PTPRZ1: variants seen among roughly 807,000 people sequenced by gnomAD.
PTPRZ1 encodes protein tyrosine phosphatase receptor type Z1.
A neutral mutation model predicts 214.1 loss-of-function variants in PTPRZ1; 82 were observed. That is an observed-to-expected ratio of 0.38 (90% CI 0.32 to 0.46). The LOEUF (loss-of-function observed/expected upper bound fraction) is 0.46, where lower values mean the gene tolerates loss of function less well. PTPRZ1 is among the 20% of genes least tolerant of loss of function. The probability of loss-of-function intolerance (pLI) is 1.00; values close to 1 mark genes in which losing one functional copy is unlikely to be tolerated. For synonymous variants in PTPRZ1, 945 were observed against 987.9 expected, an observed-to-expected ratio of 0.96 and a Z score of 0.81; for missense variants, 2,603 against 2,748.7, an observed-to-expected ratio of 0.95 and a Z score of 1.19.
At chr7:122,009,314 G>A (rs1300109333) in intron 11 of PTPRZ1, among the ~76,000 whole-genome samples, 1 of 151,928 alleles carries the variant, frequency 6.6e-6, no homozygotes, top group Non-Finnish European at 1.5e-5. Context: ...ACTGATACTG[G>A]TCAAGTTCTC....
Position 122,011,967 on chromosome 7 carries a change from C to T in PTPRZ1, c.2921C>T (p.Ser974Phe), listed in dbSNP as rs1202491598. ...CCTAGCCATATACCAATACCTAAGT[C>T]TTCGTTAATAACCCCAACTGCATCA... ...SGPSHIPIPK[S>F]SLITPTASLL... The change falls in exon 12 of 30, where the codon TCT (serine) becomes TTT (phenylalanine). Residue 974 changes from serine to phenylalanine, a missense_variant. Physicochemically the swap from Ser to Phe is radical, Grantham distance 155 (BLOSUM62 -2). This residue lies in a region of PTPRZ1 where 1,913 missense variants were observed against 1,914.3 expected (regional missense o/e 1.00). Transcript: ENST00000393386. 1.7e-5 allele frequency: 28 copies of T among 1,614,040 alleles called. No individual in the cohort carries two copies. The highest frequency in any genetic ancestry group is 2.3e-5 in the Non-Finnish European group (27 of 1,180,006).
Position 121,940,280 on chromosome 7 carries a change from TAA to T in PTPRZ1, c.124+12062_124+12063del, listed in dbSNP as rs1437110043. The stretch of plus-strand genomic sequence containing the variant: ...AGGAAACGAAAGGAAAAGGGACTAG[TAA>T]AAGAGTCCAAAAGAGAGGGGTATGA... On this transcript the variant is annotated intron_variant, in intron 2 of 29. Coordinates refer to ENST00000393386, the MANE Select transcript of PTPRZ1 (RefSeq NM_002851.3). 2.0e-5 allele frequency among the ~76,000 whole-genome samples: 3 copies of T among 152,270 alleles called. No homozygotes were observed. The East Asian group carries it at 5.8e-4, about 29-fold the overall frequency.
chr7:121,940,845 C>A (rs1796220142), intron 2 of PTPRZ1, among the ~76,000 whole-genome samples: 1 of 151,916 alleles, frequency 6.6e-6, no homozygotes, highest in Non-Finnish European at 1.5e-5. Context: ...CATATAATGG[C>A]TTTAATGAGC....
At chr7:122,047,002 A>G (rs1792010521) in intron 23 of PTPRZ1, among the ~76,000 whole-genome samples, 1 of 152,194 alleles carries the variant, frequency 6.6e-6, no homozygotes, top group African/African-American at 2.4e-5. Flanking sequence ...GAAAGGGGGG[A>G]AAGTGGCATC....
chr7:121,874,959 T>C (rs572924001), intron 1 of PTPRZ1, among the ~76,000 whole-genome samples: 2 of 151,978 alleles, frequency 1.3e-5, no homozygotes, highest in African/African-American at 2.4e-5. Context: ...TAAGTAAATA[T>C]CACAGTAGCA....
At chr7:121,882,964 A>C (rs1437416047) in intron 1 of PTPRZ1, among the ~76,000 whole-genome samples, 1 of 152,172 alleles carries the variant, frequency 6.6e-6, no homozygotes, top group Admixed American at 6.6e-5. Flanking sequence ...TTCTCTGGGA[A>C]GGTGAAGATG....
At chr7:122,014,011 A>G (rs1027254600) in intron 12 of PTPRZ1, 122 bp downstream of exon 12, 61 of 784,464 alleles carry the variant, frequency 7.8e-5, no homozygotes, top group Non-Finnish European at 9.9e-5. Context: ...TAAAATCAAA[A>G]CATTCAACAA....
intron 11 of PTPRZ1, 72 bp from the exon 12 acceptor site, chr7:122,010,262 A>C: frequency 7.2e-7 from 1 of 1,382,456 alleles, no homozygotes; most frequent in Non-Finnish European, 9.9e-7. Flanking sequence ...GATGATTGGC[A>C]GTGTAAGATA....
chr7:122,011,909 G>T lies in PTPRZ1; in HGVS notation c.2863G>T (p.Gly955Cys), dbSNP rs763354591. ...SSAIPVHDSV[G>C]VTYQGSLFSG... ...TGCAATACCTGTGCATGATTCTGTG[G>T]GTGTAACTTATCAGGGTTCCTTATT... The change falls in exon 12 of 30, where the codon GGT (glycine) becomes TGT (cysteine). Residue 955 changes from glycine to cysteine, a missense_variant. Physicochemically the swap from Gly to Cys is radical, Grantham distance 159. Coordinates refer to ENST00000393386, the MANE Select transcript of PTPRZ1 (RefSeq NM_002851.3). 1 of 1,614,186 alleles carries T rather than the reference G, an allele frequency of 6.2e-7. No homozygotes were observed.
chr7:121,956,994 T>C (rs540812193), intron 2 of PTPRZ1, among the ~76,000 whole-genome samples: 48 of 152,340 alleles, frequency 3.2e-4, no homozygotes, highest in African/African-American at 8.4e-4. Context: ...TGCATTTTTA[T>C]AAAACTTGAT....
chr7:121,999,639 A>T (rs1247604938), intron 10 of PTPRZ1, among the ~76,000 whole-genome samples: 1 of 152,184 alleles, frequency 6.6e-6, no homozygotes, highest in African/African-American at 2.4e-5. Flanking sequence ...TTTGCAAAAA[A>T]TTATTACTTT....
chr7:121,875,434 A>G (rs1794024486), intron 1 of PTPRZ1, among the ~76,000 whole-genome samples: 2 of 152,194 alleles, frequency 1.3e-5, no homozygotes, highest in Non-Finnish European at 2.9e-5. Flanking sequence ...TACTAAATAT[A>G]TCACATTTGC....
chr7:121,873,530 A>G lies in PTPRZ1; in HGVS notation c.31A>G (p.Ile11Val), dbSNP rs1375657858. The change falls in exon 1 of 30, where the codon ATT becomes GTT. Residue 11 changes from isoleucine to valine, a missense_variant. Ile to Val is a conservative substitution (Grantham distance 29, BLOSUM62 3). This residue lies in a region of PTPRZ1 where 141 missense variants were observed against 143.7 expected (regional missense o/e 0.98). Coordinates refer to ENST00000393386, the MANE Select transcript of PTPRZ1 (RefSeq NM_002851.3). ...AATCCTAAAGCGTTTCCTCGCTTGC[A>G]TTCAGCTCCTCTGTGTTTGCCGCCT... Reference protein sequence around the residue: MRILKRFLACIQLLCVCRLDW... With the variant: MRILKRFLACVQLLCVCRLDW... 4 of 1,613,874 alleles carry G rather than the reference A, an allele frequency of 2.5e-6. No homozygotes were observed. The highest frequency in any genetic ancestry group is 1.3e-5 in the African/African-American group (1 of 74,930).
intron 13 of PTPRZ1, among the ~76,000 whole-genome samples, chr7:122,021,561 C>G (rs1799017750): frequency 6.6e-6 from 1 of 151,946 alleles, no homozygotes; most frequent in Admixed American, 6.6e-5. Context: ...AGTGAGACCT[C>G]CATCTCTACA....
In PTPRZ1 at chr7:122,061,194, G is replaced by A; in HGVS notation, c.6922G>A (p.Ala2308Thr). 1 of 1,606,724 alleles carries A rather than the reference G, an allele frequency of 6.2e-7. No individual in the cohort carries two copies. The highest frequency in any genetic ancestry group is 8.5e-7 in the Non-Finnish European group (1 of 1,175,596). ...TGCAGCATTGCCTGATGGAAATATA[G>A]CTGAGAGCTTAGAGTCTTTAGTTTA... ...NGAALPDGNI[A>T]ESLESLV Residue 2308 changes from alanine to threonine, a missense_variant, in exon 30 of 30, where the codon GCT becomes ACT. Around this residue, in one of 6 missense-constraint regions of PTPRZ1, gnomAD observed 165 missense variants for 151.4 expected, o/e 1.09. Transcript: ENST00000393386.
intron 23 of PTPRZ1, 137 bp from the exon 24 acceptor site, chr7:122,051,291 A>G (rs1194960577): frequency 6.0e-6 from 3 of 500,158 alleles, no homozygotes; most frequent in Non-Finnish European, 1.0e-5. Flanking sequence ...GAATTGTTGG[A>G]AAACATTTCA....
chr7:122,034,161 G>A (rs1215643803), intron 16 of PTPRZ1, 46 bp downstream of exon 16: 2 of 1,574,628 alleles, frequency 1.3e-6, no homozygotes, highest in South Asian at 1.1e-5. Flanking sequence ...AGAAGTAGTT[G>A]TAACTTTTAA....
chr7:122,038,245 A>T (rs1799607958), intron 18 of PTPRZ1, among the ~76,000 whole-genome samples: 1 of 152,140 alleles, frequency 6.6e-6, no homozygotes, highest in Non-Finnish European at 1.5e-5. Context: ...ATGCCCATAA[A>T]ACATCTTGTA....
Position 122,059,735 on chromosome 7 carries a change from C to CTTTT in PTPRZ1, c.6672-9_6672-6dup, listed in dbSNP as rs55805372. 3 of 1,277,716 alleles carry CTTTT rather than the reference C, an allele frequency of 2.3e-6. No individual in the cohort carries two copies. In the South Asian group the frequency reaches 4.3e-5, roughly 18 times the overall value. 79.1% of individuals were successfully genotyped at this position (1,277,716 alleles called of 1,614,324 possible). On this transcript the variant is annotated splice_polypyrimidine_tract_variant and intron_variant, in intron 28 of 29. Coordinates refer to ENST00000393386, the MANE Select transcript of PTPRZ1 (RefSeq NM_002851.3). Reference sequence around the variant, plus strand: ...TCTCAATGGAGTCTTTGTTCCTTTTCTTTTTTTTTTTTACAAGGCATGGAG... The same window carrying CTTTT: ...TCTCAATGGAGTCTTTGTTCCTTTTCTTTTTTTTTTTTTTTTACAAGGCATGGAG...
Sources: gnomAD v4.1 joint callset for allele counts (sites outside exome capture counted in the v4.1 genomes callset) on GRCh38, gnomAD v4.1.1 for gene constraint, gnomAD v4.1.1 regional missense constraint, MANE v1.5 for transcripts, NCBI Gene and HGNC (gene_info 2026-07-23, HGNC 2026-07-21) for gene names.